The following CD244 variants were observed in gnomAD, a reference collection of about 807,000 sequenced individuals.
The protein encoded by CD244 is CD244 molecule.
In CD244, 20 loss-of-function variants were observed where a neutral mutation model predicts 45.5. That is an observed-to-expected ratio of 0.44 (90% confidence interval 0.31 to 0.64). CD244 has a LOEUF of 0.64. Among genes scored for constraint, CD244 ranks in the 30% least tolerant of loss-of-function variants. The pLI, the probability that CD244 is intolerant of heterozygous loss-of-function variation, is 0.08. For synonymous variants in CD244, 185 were observed against 160.5 expected, an observed-to-expected ratio of 1.15 and a Z score of -1.15; for missense variants, 407 against 426.9, an observed-to-expected ratio of 0.95 and a Z score of 0.41.
chr1:160,854,371 T>A (rs147725102), intron 1 of CD244, among the ~76,000 whole-genome samples: 20 of 152,184 alleles, frequency 1.3e-4, no homozygotes, highest in African/African-American at 4.8e-4. Context: ...TAAGTTATTG[T>A]CTAGACTTCT....
Position 160,849,543 on chromosome 1 carries a change from A to G in CD244, c.62-7642T>C, listed in dbSNP as rs1669850106. On this transcript the variant is annotated intron_variant, in intron 1 of 8. Coordinates refer to ENST00000368034, the MANE Select transcript of CD244 (RefSeq NM_016382.4). ...TTCAACTCCCACTTTGAGTGAGAAC[A>G]CGTGGTGTTTGGTTTTCTGTTCCTG... is the stretch of plus-strand genomic sequence containing the variant. 3.9e-5 allele frequency among the ~76,000 whole-genome samples: 6 copies of G among 152,244 alleles called. No individual in the cohort carries two copies. The South Asian group carries it at 1.2e-3, about 32-fold the overall frequency.
At chr1:160,837,973 C>T (rs1669392068) in intron 5 of CD244, among the ~76,000 whole-genome samples, 1 of 152,204 alleles carries the variant, frequency 6.6e-6, no homozygotes, top group Admixed American at 6.5e-5. Flanking sequence ...TCTCTAGTAC[C>T]TCAGCCACAC....
intron 5 of CD244, among the ~76,000 whole-genome samples, chr1:160,836,455 G>A (rs555033988): frequency 2.0e-5 from 3 of 152,178 alleles, no homozygotes; most frequent in African/African-American, 2.4e-5. Context: ...ATTAGTATCA[G>A]GAGCAAGGAA....
At position 160,841,609 on chromosome 1, in the gene CD244, T is replaced by G; in HGVS notation, c.354A>C (p.Thr118=). The G allele has an allele frequency of 6.2e-7, 1 of 1,614,178 alleles. No individual in the cohort carries two copies. The highest frequency in any genetic ancestry group is 8.5e-7 in the Non-Finnish European group (1 of 1,180,040). ...CAAATACAAAAACCTGGAACGTGGC[T>G]GTCTGAACTTTTCCAGATATACTGG... ...EVTSISGKVQ[T]ATFQVFVFDK... is the part of the protein sequence containing the mutation. The change falls in exon 2 of 9, where the codon ACA becomes ACC. Residue 118 remains threonine, a synonymous_variant. Coordinates refer to ENST00000368034, the MANE Select transcript of CD244 (RefSeq NM_016382.4).
intron 1 of CD244, among the ~76,000 whole-genome samples, chr1:160,854,296 G>A (rs752449217): frequency 1.3e-5 from 2 of 152,152 alleles, no homozygotes; most frequent in Non-Finnish European, 2.9e-5. Context: ...AATGTAGAGC[G>A]CTATGTAGAA....
chr1:160,841,324 C>G lies in CD244; in HGVS notation c.541G>C (p.Asp181His), dbSNP rs1261535324. 6.2e-7 allele frequency: 1 copy of G among 1,614,084 alleles called. No homozygotes were observed. The highest frequency in any genetic ancestry group is 1.3e-5 in the African/African-American group (1 of 74,926). ...IQTAGNLTYLDEEVDINGTHT... is the reference protein window; with the variant it reads ...IQTAGNLTYLHEEVDINGTHT... ...GTGCCATTAATGTCAACCTCCTCGT[C>G]CAGGTAGGTGAGGTTCCCTGCTGTC... is the stretch of plus-strand genomic sequence containing the variant. The change falls in exon 3 of 9, where the codon GAC (aspartate) becomes CAC (histidine). Residue 181 changes from aspartate (D) to histidine (H), a missense_variant. By Grantham distance (81) the Asp-to-His change is moderately conservative (BLOSUM62 -1). Coordinates refer to ENST00000368034, the MANE Select transcript of CD244 (RefSeq NM_016382.4).
chr1:160,844,717 G>C (rs559201517), intron 1 of CD244, among the ~76,000 whole-genome samples: 6 of 152,204 alleles, frequency 3.9e-5, no homozygotes, highest in Admixed American at 3.9e-4. Flanking sequence ...GCTCATGCCC[G>C]TAATTCCAGC....
At chr1:160,851,799 T>A (rs1669929033) in intron 1 of CD244, among the ~76,000 whole-genome samples, 1 of 152,174 alleles carries the variant, frequency 6.6e-6, no homozygotes, top group African/African-American at 2.4e-5. Flanking sequence ...CGCCTTGGCC[T>A]CCCAAAGCGC....
At position 160,862,870 on chromosome 1, in the gene CD244, A is replaced by T; in HGVS notation, c.-193T>A. 1 of 497,324 alleles carries T rather than the reference A, an allele frequency of 2.0e-6. No homozygotes were observed. Among genetic ancestry groups the T allele is most frequent in the Non-Finnish European group, 3.6e-6 (1 of 278,512 alleles). The allele number at this position is 497,324 out of a possible 1,614,324, so 30.8% of individuals were successfully genotyped here. On this transcript the variant is annotated 5_prime_UTR_variant, in exon 1 of 9. Transcript: ENST00000368034. ...CTGACAAGGCCACTGAGAAAGCCCC[A>T]GCGCCTGGAGCTGGTCTGACAGTTC...
chr1:160,844,746 C>G (rs12354234), intron 1 of CD244, among the ~76,000 whole-genome samples: 11,491 of 152,114 alleles, frequency 0.076, 1,234 homozygotes, highest in African/African-American at 0.24. Flanking sequence ...AGGCCAAGGC[C>G]GGCAGATCAC....
rs200475714 is a variant in CD244 at position 160,841,441 on chromosome 1, C to G, written c.424G>C (p.Asp142His). ...AGAGCCACTTGGCATCTCCCTCTGT[C>G]CAGGATCTTCCCCTGCCCCTGTAGG... is the stretch of plus-strand genomic sequence containing the variant. ...PRLQGQGKIL[D>H]RGRCQVALSC... Residue 142 changes from aspartate (D) to histidine (H), a missense_variant, in exon 3 of 9, where the codon GAC (aspartate) becomes CAC (histidine). By Grantham distance (81) the Asp-to-His change is moderately conservative. Transcript: ENST00000368034. The G allele has an allele frequency of 9.5e-5, 153 of 1,614,050 alleles. No homozygotes were observed. Among genetic ancestry groups the G allele is most frequent in the Middle Eastern group, 1.6e-4 (1 of 6,084 alleles).
At chr1:160,857,519 T>C (rs2101895313) in intron 1 of CD244, among the ~76,000 whole-genome samples, 1 of 152,288 alleles carries the variant, frequency 6.6e-6, no homozygotes, top group African/African-American at 2.4e-5. Context: ...GCAAAAGTAG[T>C]CAGACACAAG....
rs1669082899 is a variant in CD244, at chr1:160,830,744, T to A, written c.*603A>T. ...TCTCCCTTCAGCCCACTCCCCCTGG[T>A]GGCCAACTGGCCAGAGGTAAAGGTA... On this transcript the variant is annotated 3_prime_UTR_variant, in exon 9 of 9. Coordinates refer to ENST00000368034, the MANE Select transcript of CD244 (RefSeq NM_016382.4). The A allele has an allele frequency of 6.5e-6, 1 of 152,900 alleles. No individual in the cohort carries two copies. Among genetic ancestry groups the A allele is most frequent in the Non-Finnish European group, 1.5e-5 (1 of 68,524 alleles). The allele number at this position is 152,900 out of a possible 1,614,324, so 9.5% of individuals were successfully genotyped here.
At chr1:160,858,187 T>C (rs1670177326) in intron 1 of CD244, among the ~76,000 whole-genome samples, 1 of 152,116 alleles carries the variant, frequency 6.6e-6, no homozygotes, top group Non-Finnish European at 1.5e-5. Flanking sequence ...CCAATCTCTT[T>C]TCTGTGTCCA....
intron 1 of CD244, chr1:160,848,064 G>A (rs1308698367): frequency 4.1e-5 from 15 of 361,902 alleles, no homozygotes; most frequent in Middle Eastern, 7.7e-4. Context: ...CCCTTGGACC[G>A]TGTCTCCTTG....
chr1:160,861,697 C>T (rs1284974586), intron 1 of CD244, among the ~76,000 whole-genome samples: 2 of 151,996 alleles, frequency 1.3e-5, no homozygotes, highest in African/African-American at 4.8e-5. Context: ...ATTAGCCAAG[C>T]ATGGTGGCGC....
intron 1 of CD244, among the ~76,000 whole-genome samples, chr1:160,861,729 C>A (rs1670312880): frequency 1.3e-5 from 2 of 151,952 alleles, no homozygotes; most frequent in Non-Finnish European, 2.9e-5. Flanking sequence ...TTCACCTACT[C>A]GGGAGGCTGA....
intron 1 of CD244, among the ~76,000 whole-genome samples, chr1:160,849,304 C>CTTTTTTTTTTTTTTTTTTG (rs1557840584): frequency 9.2e-6 from 1 of 108,474 alleles, no homozygotes. Flanking sequence ...TTTTGTTTTA[C>CTTTTTTTTTTTTTTTTTTG]TTTAAGTTCT....
chr1:160,858,365 G>A (rs563193081), intron 1 of CD244, among the ~76,000 whole-genome samples: 2 of 152,266 alleles, frequency 1.3e-5, no homozygotes, highest in South Asian at 2.1e-4. Flanking sequence ...CAAACAGCTG[G>A]CAACCCTTGG....
Sources: allele counts gnomAD v4.1 joint callset (sites outside exome capture counted in the v4.1 genomes callset), GRCh38; gene constraint gnomAD v4.1.1; transcripts MANE v1.5; gene names NCBI Gene and HGNC (gene_info 2026-07-23, HGNC 2026-07-21).